PCDHGA2: variants seen among roughly 807,000 people sequenced by gnomAD.
PCDHGA2 encodes the protein protocadherin gamma-A2.
In PCDHGA2, 40 loss-of-function variants were observed where a neutral mutation model predicts 59.2. That is an observed-to-expected ratio of 0.68 (90% CI 0.52 to 0.88). The LOEUF (loss-of-function observed/expected upper bound fraction) is 0.88. Ranked by LOEUF, PCDHGA2 falls within the 40% of genes least tolerant of loss-of-function variation. The probability of loss-of-function intolerance (pLI) is 0.00; values close to 1 mark genes in which losing one functional copy is unlikely to be tolerated. For synonymous variants in PCDHGA2, 560 were observed against 526.0 expected (o/e 1.06, Z -0.89); for missense variants, 1,226 against 1,204.0 (o/e 1.02, Z -0.27).
chr5:141,406,532 G>A (rs58503510), intron 1 of PCDHGA2, among the ~76,000 whole-genome samples: 16,962 of 152,088 alleles, frequency 0.11, 1,106 homozygotes, highest in African/African-American at 0.18. Context: ...ATTTTCTGAC[G>A]AAGATTCAAA....
chr5:141,477,482 C>T lies in PCDHGA2; in HGVS notation c.2425-17325C>T, dbSNP rs1168724444. The T allele has an allele frequency of 6.2e-7, 1 of 1,614,118 alleles. No individual in the cohort carries two copies. Among genetic ancestry groups the T allele is most frequent in the Non-Finnish European group, 8.5e-7 (1 of 1,180,016 alleles). ...GTCCGACATCAATGACAACCCTCCA[C>T]AATCTTCTCAATCTTCCTACGACGT... is the stretch of plus-strand genomic sequence containing the variant. On this transcript the variant is annotated intron_variant, in intron 1 of 3. Coordinates refer to ENST00000394576, the MANE Select transcript of PCDHGA2 (RefSeq NM_018915.4). This position sits in a 1 kb window ranked among gnomAD's most constrained non-coding sequence, Gnocchi z 4.9.
rs1250096461 is a variant in PCDHGA2 at position 141,485,533 on chromosome 5, G to A, written c.2425-9274G>A. 6.2e-7 allele frequency: 1 copy of A among 1,614,084 alleles called. No homozygotes were observed. Among genetic ancestry groups the A allele is most frequent in the Non-Finnish European group, 8.5e-7 (1 of 1,180,034 alleles). On this transcript the variant is annotated intron_variant, in intron 1 of 3. Coordinates refer to ENST00000394576, the MANE Select transcript of PCDHGA2 (RefSeq NM_018915.4). This position sits in a 1 kb window ranked among gnomAD's most constrained non-coding sequence, Gnocchi z 5.7. ...GTCCTTTGGAAATGTACCGAGCAGA[G>A]GTAGAGATCGTAGATGTGAATGATC...
At chr5:141,364,634 T>C (rs762469223) in intron 1 of PCDHGA2, 5 of 1,614,006 alleles carry the variant, frequency 3.1e-6, no homozygotes, top group Non-Finnish European at 3.4e-6. Context: ...GAGCCCACTG[T>C]GTGTGGTGAA....
At chr5:141,357,718 G>T in intron 1 of PCDHGA2, 1 of 1,437,468 alleles carries the variant, frequency 7.0e-7, no homozygotes, top group Middle Eastern at 1.8e-4. Context: ...AAATAAAGTT[G>T]CCTCTTTTAA....
At chr5:141,410,701 A>C in intron 1 of PCDHGA2, 2 of 1,471,660 alleles carry the variant, frequency 1.4e-6, no homozygotes, top group Non-Finnish European at 9.1e-7. Context: ...TTATTTTCAT[A>C]TCTAGAATCA....
chr5:141,339,736 G>A lies in PCDHGA2; in HGVS notation c.765G>A (p.Thr255=), dbSNP rs781028162. ...PEYRISIPEN[T]LVGTRILTVT... ...ACCGCATAAGCATTCCGGAGAATAC[G>A]CTCGTGGGCACCCGGATACTCACGG... The change falls in exon 1 of 4, where the codon ACG becomes ACA. Residue 255 remains threonine, a synonymous_variant. Transcript: ENST00000394576. 48 of 1,613,956 alleles carry A rather than the reference G, an allele frequency of 3.0e-5. No individual in the cohort carries two copies. Among genetic ancestry groups the A allele is most frequent in the Middle Eastern group, 3.3e-4 (2 of 6,084 alleles).
At chr5:141,345,625 T>TGGTGACAGCC in intron 1 of PCDHGA2, 1 of 1,614,184 alleles carries the variant, frequency 6.2e-7, no homozygotes, top group Non-Finnish European at 8.5e-7. Context: ...TTAAAGCTAC[T>TGGTGACAGCC]GGTGACAGCC....
chr5:141,419,350 G>T lies in PCDHGA2; in HGVS notation c.2425-75457G>T, dbSNP rs202038869. 1.1e-4 allele frequency: 173 copies of T among 1,613,730 alleles called. 2 individuals are homozygous for T. The highest frequency in any genetic ancestry group is 2.3e-4 in the Admixed American group (14 of 60,012). ...ACTCTCTCATTGCCAGCGACCTGGA[G>T]TCACGAACGCTGTCGTCCTACGTGT... On this transcript the variant is annotated intron_variant, in intron 1 of 3. Transcript: ENST00000394576.
chr5:141,398,866 T>C, intron 1 of PCDHGA2: 1 of 1,613,962 alleles, frequency 6.2e-7, no homozygotes, highest in Non-Finnish European at 8.5e-7. Flanking sequence ...CCGAGACGTG[T>C]ACAGAGTCAG....
chr5:141,355,655 T>A (rs900163276), intron 1 of PCDHGA2: 13 of 1,613,964 alleles, frequency 8.1e-6, no homozygotes, highest in African/African-American at 1.3e-5. Context: ...GGGGCAAGAT[T>A]TCCTCTTCCT....
intron 1 of PCDHGA2, among the ~76,000 whole-genome samples, chr5:141,354,011 GT>G (rs1408214396): frequency 1.1e-4 from 17 of 152,190 alleles, no homozygotes; most frequent in African/African-American, 4.1e-4. Flanking sequence ...GTAAATTACT[GT>G]AAGTATTCAT....
chr5:141,409,125 AT>A, intron 1 of PCDHGA2: 1 of 1,613,982 alleles, frequency 6.2e-7, no homozygotes, highest in Non-Finnish European at 8.5e-7. Context: ...CAGTCATTTG[AT>A]TTTGAAGATG....
At chr5:141,423,826 A>G (rs1324911075) in intron 1 of PCDHGA2, 21 of 1,275,178 alleles carry the variant, frequency 1.6e-5, no homozygotes, top group Middle Eastern at 2.2e-4. Flanking sequence ...TTTGCCTTTC[A>G]TGAGATTACG....
intron 1 of PCDHGA2, chr5:141,383,685 C>T: frequency 3.1e-6 from 5 of 1,614,018 alleles, no homozygotes; most frequent in Non-Finnish European, 4.2e-6. Context: ...CAAGACTGCT[C>T]ACGGTACATG....
intron 1 of PCDHGA2, chr5:141,355,845 C>T (rs1479367504): frequency 1.2e-6 from 2 of 1,612,160 alleles, no homozygotes; most frequent in African/African-American, 2.7e-5. Context: ...TCACGGCCTT[C>T]GATGGAGGTG....
intron 1 of PCDHGA2, chr5:141,350,114 C>T: frequency 1.8e-6 from 1 of 569,488 alleles, no homozygotes; most frequent in Non-Finnish European, 2.7e-6. Context: ...CCTGCTTTGT[C>T]CGGTGCACTG....
intron 1 of PCDHGA2, chr5:141,428,021 C>T: frequency 1.2e-6 from 2 of 1,605,604 alleles, no homozygotes; most frequent in Non-Finnish European, 1.7e-6. Context: ...TGCCACGCGC[C>T]GCAGAGTCCG....
In PCDHGA2 at chr5:141,502,866, C is replaced by CTTTTTTTTTT. The variant is rs549047197; in HGVS notation, c.2484-2522_2484-2513dup. On this transcript the variant is annotated intron_variant, in intron 2 of 3. Transcript: ENST00000394576. ...GAGCTGCCTAACCCTGACTCTCTGT[C>CTTTTTTTTTT]TTTTTTTTTTTTTTGACAGGGAGTC... 1.9e-3 allele frequency among the ~76,000 whole-genome samples: 240 copies of CTTTTTTTTTT among 127,966 alleles called. 11 individuals are homozygous for CTTTTTTTTTT. The highest frequency in any genetic ancestry group is 3.5e-3 in the Admixed American group (41 of 11,656). The allele number at this position is 127,966 out of a possible 152,430, so 84.0% of individuals were successfully genotyped here.
At chr5:141,407,856 G>A (rs1038275806) in intron 1 of PCDHGA2, among the ~76,000 whole-genome samples, 2 of 152,210 alleles carry the variant, frequency 1.3e-5, no homozygotes, top group African/African-American at 4.8e-5. Context: ...ATGTACACCT[G>A]CATTTTCGAA....
Sources: allele counts gnomAD v4.1 joint callset (sites outside exome capture counted in the v4.1 genomes callset), GRCh38; gene constraint gnomAD v4.1.1; non-coding constraint Gnocchi (gnomAD v3.1); transcripts MANE v1.5; gene names NCBI Gene and HGNC (gene_info 2026-07-23, HGNC 2026-07-21).